Variants in ABCF2 observed in about 807,000 individuals in gnomAD.
ABCF2 encodes ATP-binding cassette sub-family F member 2.
Under a neutral mutation model 76.9 loss-of-function variants are expected in ABCF2, and 37 were observed. The ratio of observed to expected loss-of-function variants is 0.48; its 90% CI spans 0.37 to 0.63. ABCF2 has a LOEUF of 0.63. Among genes scored for constraint, ABCF2 ranks in the 30% least tolerant of loss-of-function variants. The pLI, the probability that ABCF2 is intolerant of heterozygous loss-of-function variation, is 0.00. For missense variants in ABCF2, 524 were observed against 782.1 expected (o/e 0.67, Z 3.94); for synonymous variants, 299 against 283.7 (o/e 1.05, Z -0.54).
chr7:151,214,865 G>A lies in ABCF2; in HGVS notation c.1734+14C>T, dbSNP rs1802119138. 1 of 1,613,880 alleles carries A rather than the reference G, an allele frequency of 6.2e-7. No homozygotes were observed. Among genetic ancestry groups the A allele is most frequent in the South Asian group, 1.1e-5 (1 of 91,076 alleles). On this transcript the variant is annotated intron_variant, in intron 14 of 14. Coordinates refer to ENST00000287844, the MANE Select transcript of ABCF2 (RefSeq NM_007189.3). This position sits in a 1 kb window ranked among gnomAD's most constrained non-coding sequence, Gnocchi z 4.9. ...GAAGCTCTGCTGTGCCTCACCCCCT[G>A]GCCAGGGCCTCACCTGCTGAATGAG...
At chr7:151,218,727 A>G (rs1584841424) in intron 9 of ABCF2, 27 bp downstream of exon 9, 3 of 1,611,992 alleles carry the variant, frequency 1.9e-6, no homozygotes, top group Non-Finnish European at 2.5e-6. Flanking sequence ...ACCCCACCCA[A>G]TCACACCCCA....
rs1003329595 is a variant in ABCF2 at position 151,215,945 on chromosome 7, G to T, written c.1401+22C>A. On this transcript the variant is annotated intron_variant, in intron 12 of 14. Coordinates refer to ENST00000287844, the MANE Select transcript of ABCF2 (RefSeq NM_007189.3). The surrounding 1 kb of genome is among the most constrained non-coding windows in gnomAD (Gnocchi z 4.6). ...TCCCTATACCCTGGGCAATTCCCCG[G>T]ATCCCAACCCCAGGCCTGTACCTGA... The T allele has an allele frequency of 2.5e-6, 4 of 1,613,396 alleles. No homozygotes were observed. Among genetic ancestry groups the T allele is most frequent in the Non-Finnish European group, 2.5e-6 (3 of 1,179,482 alleles).
At chr7:151,219,601 T>G (rs916791331) in intron 7 of ABCF2, among the ~76,000 whole-genome samples, 3 of 152,184 alleles carry the variant, frequency 2.0e-5, no homozygotes, top group Non-Finnish European at 4.4e-5. Flanking sequence ...CCTGCATAAG[T>G]GGACTACCAT....
In ABCF2 at chr7:151,214,888, G is replaced by A; in HGVS notation, c.1725C>T (p.Leu575=). ...GMMLVSHDFR[L]IQQVAQEIWV... is the part of the protein sequence containing the mutation. ...CTGGCCAGGGCCTCACCTGCTGAATGAGTCTGAAGTCATGGCTGACCAGCA... is the reference window on the plus strand; with the variant it reads ...CTGGCCAGGGCCTCACCTGCTGAATAAGTCTGAAGTCATGGCTGACCAGCA... Residue 575 remains leucine (L), a synonymous_variant, in exon 14 of 15, where the codon CTC becomes CTT. Coordinates refer to ENST00000287844, the MANE Select transcript of ABCF2 (RefSeq NM_007189.3). The surrounding 1 kb of genome is among the most constrained non-coding windows in gnomAD (Gnocchi z 4.9). The A allele has an allele frequency of 6.2e-7, 1 of 1,614,204 alleles. No individual in the cohort carries two copies. Among genetic ancestry groups the A allele is most frequent in the Middle Eastern group, 1.6e-4 (1 of 6,062 alleles).
At position 151,215,247 on chromosome 7, in the gene ABCF2, G is replaced by A. The variant is rs752322110; in HGVS notation, c.1531-165C>T. ...CTTGAGGCCTGAAAGAGACTCATCC[G>A]GAAACCTGAAGCCCTTGCCATTACT... On this transcript the variant is annotated intron_variant, in intron 13 of 14. Coordinates refer to ENST00000287844, the MANE Select transcript of ABCF2 (RefSeq NM_007189.3). The surrounding 1 kb of genome is among the most constrained non-coding windows in gnomAD (Gnocchi z 4.6). 2.0e-5 allele frequency among the ~76,000 whole-genome samples: 3 copies of A among 152,086 alleles called. No homozygotes were observed. The highest frequency in any genetic ancestry group is 4.4e-5 in the Non-Finnish European group (3 of 68,020).
In ABCF2 at chr7:151,218,061, C is replaced by G. The variant is rs376114384; in HGVS notation, c.1338+20G>C. Reference sequence around the variant, plus strand: ...CAAGGCCTAATCTTAGAGGGATCCACGCCCACCTTGGCACCATACCTCTCC... The same window carrying G: ...CAAGGCCTAATCTTAGAGGGATCCAGGCCCACCTTGGCACCATACCTCTCC... On this transcript the variant is annotated intron_variant, in intron 11 of 14. Coordinates refer to ENST00000287844, the MANE Select transcript of ABCF2 (RefSeq NM_007189.3). 2 of 1,561,256 alleles carry G rather than the reference C, an allele frequency of 1.3e-6. No homozygotes were observed. The highest frequency in any genetic ancestry group is 1.4e-5 in the African/African-American group (1 of 73,922).
intron 6 of ABCF2, 181 bp from the exon 7 acceptor site, chr7:151,221,861 G>T: frequency 3.7e-6 from 2 of 542,540 alleles, no homozygotes; most frequent in Admixed American, 3.3e-5. Context: ...GTATTTGGAC[G>T]CCTTTCAGTG....
chr7:151,226,217 A>ACTAC, intron 2 of ABCF2, 88 bp downstream of exon 2: 1 of 1,448,808 alleles, frequency 6.9e-7, no homozygotes, highest in South Asian at 1.3e-5. Flanking sequence ...TACATTCTCC[A>ACTAC]CTACCCCCAG....
chr7:151,213,155 A>AAATAGTC lies in ABCF2; in HGVS notation c.*892_*898dup. On this transcript the variant is annotated 3_prime_UTR_variant, in exon 15 of 15. Transcript: ENST00000287844. ...CCACGCTCCTGGACAGTGGTTCTCAAAATAGTCTCTAGACCAGCAACAACA... is the reference window on the plus strand; with the variant it reads ...CCACGCTCCTGGACAGTGGTTCTCAAAATAGTCAATAGTCTCTAGACCAGCAACAACA... 4 of 985,424 alleles carry AAATAGTC rather than the reference A, an allele frequency of 4.1e-6. No individual in the cohort carries two copies. Among genetic ancestry groups the AAATAGTC allele is most frequent in the Non-Finnish European group, 4.8e-6 (4 of 829,932 alleles). 61.0% of individuals were successfully genotyped at this position (985,424 alleles called of 1,614,324 possible). A position where few individuals can be genotyped will look rare whatever the true frequency, so the allele number is the denominator to read the frequency against.
intron 6 of ABCF2, chr7:151,221,928 T>C: frequency 2.2e-6 from 1 of 455,428 alleles, no homozygotes; most frequent in Non-Finnish European, 4.0e-6. Flanking sequence ...CAGAATGGGA[T>C]GGAGACGGTA....
rs1157230458 is a variant in ABCF2, at chr7:151,218,769, CCTCT to C, written c.1118_1121del (p.Glu373GlyfsTer3). On this transcript the variant is annotated frameshift_variant, in exon 9 of 15. Transcript: ENST00000287844. ...CACACCCCACCTTATCGCTCACGAC[CCTCT>C]CTGTCAGTCCTGATGCCATCATTTT... 2.5e-6 allele frequency: 4 copies of C among 1,613,752 alleles called. No individual in the cohort carries two copies. The highest frequency in any genetic ancestry group is 2.7e-5 in the African/African-American group (2 of 74,784).
intron 7 of ABCF2, 78 bp downstream of exon 7, chr7:151,221,500 C>CTTTTT: frequency 3.7e-6 from 3 of 816,792 alleles, no homozygotes; most frequent in Admixed American, 2.5e-5. Context: ...CCACACCAGC[C>CTTTTT]TTTTTTTTTT....
In ABCF2 at chr7:151,212,344, T is replaced by G. The variant is rs1406885684; in HGVS notation, c.*1710A>C. On this transcript the variant is annotated 3_prime_UTR_variant, in exon 15 of 15. Coordinates refer to ENST00000287844, the MANE Select transcript of ABCF2 (RefSeq NM_007189.3). ...AAGTGAATTCAACAGTGATGATAAC[T>G]ATGGCTGTGGACAGGTAAAAATACA... 1 of 985,326 alleles carries G rather than the reference T, an allele frequency of 1.0e-6. No individual in the cohort carries two copies. Among genetic ancestry groups the G allele is most frequent in the Non-Finnish European group, 1.2e-6 (1 of 829,934 alleles). The allele number at this position is 985,326 out of a possible 1,614,324, so 61.0% of individuals were successfully genotyped here. A position where few individuals can be genotyped will look rare whatever the true frequency, so the allele number is the denominator to read the frequency against.
chr7:151,217,922 T>C (rs541276110), intron 11 of ABCF2, among the ~76,000 whole-genome samples, 159 bp downstream of exon 11: 152 of 152,242 alleles, frequency 1.0e-3, no homozygotes, highest in Non-Finnish European at 1.8e-3. Flanking sequence ...CAACCAGACA[T>C]TCCCCCTCTC....
intron 2 of ABCF2, among the ~76,000 whole-genome samples, 173 bp downstream of exon 2, chr7:151,226,132 C>G (rs1274546710): frequency 6.6e-6 from 1 of 152,202 alleles, no homozygotes; most frequent in Admixed American, 6.5e-5. Flanking sequence ...CTTCGGCTTC[C>G]TTGCGCAATG....
At position 151,218,659 on chromosome 7, in the gene ABCF2, A is replaced by C. The variant is rs1412978910; in HGVS notation, c.1138-9T>G. The C allele has an allele frequency of 6.2e-7, 1 of 1,613,904 alleles. No individual in the cohort carries two copies. Among genetic ancestry groups the C allele is most frequent in the Non-Finnish European group, 8.5e-7 (1 of 1,179,950 alleles). On this transcript the variant is annotated splice_polypyrimidine_tract_variant and intron_variant, in intron 9 of 14. Transcript: ENST00000287844. The stretch of plus-strand genomic sequence containing the variant: ...AAATAAAATGACAGTGTCTAGGAAG[A>C]AAAGAGGGCATTTATCAAGTTGGCT...
chr7:151,214,118 T>C lies in ABCF2; in HGVS notation c.1808A>G (p.Glu603Gly), dbSNP rs772863914. ...KWPGDILAYKEHLKSKLVDEE... is the reference protein window; with the variant it reads ...KWPGDILAYKGHLKSKLVDEE... ...ATCCACCAGCTTGGACTTGAGGTGC[T>C]CCTTGTAAGCCAGGATGTCTCCAGG... The change falls in exon 15 of 15, where the codon GAG (glutamate) becomes GGG (glycine). Residue 603 changes from glutamate to glycine, a missense_variant. Physicochemically the swap from Glu to Gly is moderately conservative, Grantham distance 98. Around this residue, in one of 2 missense-constraint regions of ABCF2, gnomAD observed 194 missense variants for 348.6 expected, o/e 0.56. Coordinates refer to ENST00000287844, the MANE Select transcript of ABCF2 (RefSeq NM_007189.3). The surrounding 1 kb of genome is among the most constrained non-coding windows in gnomAD (Gnocchi z 4.9). The C allele has an allele frequency of 1.2e-6, 2 of 1,614,058 alleles. No individual in the cohort carries two copies. The highest frequency in any genetic ancestry group is 2.2e-5 in the East Asian group (1 of 44,894).
chr7:151,212,979 G>A lies in ABCF2; in HGVS notation c.*1075C>T, dbSNP rs976729771. On this transcript the variant is annotated 3_prime_UTR_variant, in exon 15 of 15. Transcript: ENST00000287844. ...GGGTTTTGCCATGTTTCCCAAGCTG[G>A]TCTTGAACTCCTGAGCTCAAGTGAT... The A allele has an allele frequency of 4.1e-6, 3 of 733,644 alleles. No homozygotes were observed. Among genetic ancestry groups the A allele is most frequent in the Non-Finnish European group, 5.0e-6 (3 of 600,210 alleles). The allele number at this position is 733,644 out of a possible 1,614,324, so 45.4% of individuals were successfully genotyped here.
chr7:151,220,775 G>T (rs1297935541), intron 7 of ABCF2, among the ~76,000 whole-genome samples: 1 of 152,240 alleles, frequency 6.6e-6, no homozygotes, highest in Non-Finnish European at 1.5e-5. Flanking sequence ...ATCACCTGAA[G>T]TCAAGAGTTC....
Sources: allele counts gnomAD v4.1 joint callset (sites outside exome capture counted in the v4.1 genomes callset), GRCh38; gene constraint gnomAD v4.1.1; regional missense constraint gnomAD v4.1.1; non-coding constraint Gnocchi (gnomAD v3.1); transcripts MANE v1.5; gene names NCBI Gene and HGNC (gene_info 2026-07-23, HGNC 2026-07-21).